NHSL1: variants seen among roughly 807,000 people sequenced by gnomAD.
NHSL1 encodes the protein NHS-like protein 1.
In NHSL1, 48 loss-of-function variants were observed where a neutral mutation model predicts 95.0. That is an observed-to-expected ratio of 0.51 (90% CI 0.40 to 0.64). The LOEUF (loss-of-function observed/expected upper bound fraction) is 0.64, where lower values mean the gene tolerates loss of function less well. Among genes scored for constraint, NHSL1 ranks in the 30% least tolerant of loss-of-function variants. The probability of loss-of-function intolerance (pLI) is 0.00; values close to 1 mark genes in which losing one functional copy is unlikely to be tolerated. For synonymous variants in NHSL1, 783 were observed against 833.9 expected, an observed-to-expected ratio of 0.94 and a Z score of 1.05; for missense variants, 1,971 against 2,077.7, an observed-to-expected ratio of 0.95 and a Z score of 1.00.
At chr6:138,623,174 C>T (rs1652875536) in intron 1 of NHSL1, among the ~76,000 whole-genome samples, 1 of 152,070 alleles carries the variant, frequency 6.6e-6, no homozygotes, top group South Asian at 2.1e-4. Context: ...GGAATGTGGG[C>T]AAAAGGCCAG....
chr6:138,592,616 C>CAAAA (rs146433971), intron 1 of NHSL1, among the ~76,000 whole-genome samples: 1 of 150,308 alleles, frequency 6.7e-6, no homozygotes, highest in Non-Finnish European at 1.5e-5. Flanking sequence ...AAACAAAAAA[C>CAAAA]AACAAAAAAC....
chr6:138,617,214 A>G (rs1784592225), intron 1 of NHSL1, among the ~76,000 whole-genome samples: 1 of 152,202 alleles, frequency 6.6e-6, no homozygotes, highest in Non-Finnish European at 1.5e-5. Flanking sequence ...CTTTTATATC[A>G]TAATGACCAA....
chr6:138,593,451 T>C (rs1784260335), intron 1 of NHSL1, among the ~76,000 whole-genome samples: 1 of 152,234 alleles, frequency 6.6e-6, no homozygotes, highest in East Asian at 1.9e-4. Flanking sequence ...AATTCACTCA[T>C]ACAGAGAGAG....
chr6:138,468,369 C>T (rs994272629), intron 3 of NHSL1, among the ~76,000 whole-genome samples: 1 of 152,188 alleles, frequency 6.6e-6, no homozygotes, highest in African/African-American at 2.4e-5. Flanking sequence ...TACCGGGGGT[C>T]CCCAGCCCCA....
At chr6:138,433,783 T>C in intron 5 of NHSL1, 103 bp from the exon 6 acceptor site, 1 of 1,397,114 alleles carries the variant, frequency 7.2e-7, no homozygotes, top group Non-Finnish European at 9.3e-7. Flanking sequence ...ATTTTTCTAT[T>C]TGATTTAATT....
intron 1 of NHSL1, among the ~76,000 whole-genome samples, chr6:138,578,503 T>C (rs7754723): frequency 0.26 from 39,741 of 151,924 alleles, 8,533 homozygotes; most frequent in African/African-American, 0.6. Flanking sequence ...TTACAAGAAA[T>C]CCTAAAACAG....
chr6:138,468,368 TC>T (rs1203258563), intron 3 of NHSL1, among the ~76,000 whole-genome samples: 1 of 152,110 alleles, frequency 6.6e-6, no homozygotes, highest in Non-Finnish European at 1.5e-5. Context: ...ATACCGGGGG[TC>T]CCCAGCCCCA....
intron 1 of NHSL1, among the ~76,000 whole-genome samples, chr6:138,609,062 T>C (rs1784473220): frequency 6.6e-6 from 1 of 152,334 alleles, no homozygotes; most frequent in East Asian, 1.9e-4. Flanking sequence ...ATAATGCCTA[T>C]GTAAAGGGTC....
intron 1 of NHSL1, among the ~76,000 whole-genome samples, chr6:138,610,056 C>A (rs1784488611): frequency 6.6e-6 from 1 of 152,094 alleles, no homozygotes; most frequent in South Asian, 2.1e-4. Context: ...CATAACACCC[C>A]CACCTGTTTC....
chr6:138,514,129 C>T (rs371149707), intron 1 of NHSL1, among the ~76,000 whole-genome samples: 4 of 151,908 alleles, frequency 2.6e-5, no homozygotes, highest in Admixed American at 2.0e-4. Context: ...CCAGCCTGAC[C>T]GACATGGTGA....
At chr6:138,641,435 C>T (rs886138881) in intron 1 of NHSL1, among the ~76,000 whole-genome samples, 1 of 151,948 alleles carries the variant, frequency 6.6e-6, no homozygotes, top group South Asian at 2.1e-4. Context: ...GCATGTGAAA[C>T]GTACAGTGTT....
At chr6:138,534,820 T>C (rs1782272258) in intron 1 of NHSL1, among the ~76,000 whole-genome samples, 1 of 152,160 alleles carries the variant, frequency 6.6e-6, no homozygotes, top group Non-Finnish European at 1.5e-5. Context: ...AGGGGTCTCA[T>C]TAAAGACCAT....
chr6:138,585,581 T>C (rs1366557977), intron 1 of NHSL1, among the ~76,000 whole-genome samples: 1 of 152,046 alleles, frequency 6.6e-6, no homozygotes, highest in African/African-American at 2.4e-5. Flanking sequence ...TTGGTCAAAC[T>C]TCTCTCTCTC....
At chr6:138,677,132 C>G (rs532282242) in intron 1 of NHSL1, among the ~76,000 whole-genome samples, 13 of 152,338 alleles carry the variant, frequency 8.5e-5, no homozygotes, top group Admixed American at 4.6e-4. Context: ...ATCAACTACT[C>G]AGTAAGTTTT....
intron 1 of NHSL1, among the ~76,000 whole-genome samples, chr6:138,685,775 C>G (rs1785577807): frequency 6.6e-6 from 1 of 151,614 alleles, no homozygotes; most frequent in Admixed American, 6.6e-5. Context: ...TTTTTAATCC[C>G]TCATCAAAAG....
At chr6:138,573,606 G>T (rs1186044718), upstream of NHSL1, among the ~76,000 whole-genome samples, 1 of 152,202 alleles carries the variant, frequency 6.6e-6, no homozygotes, top group Non-Finnish European at 1.5e-5. Context: ...GTGTTACTAA[G>T]ATAGGCAGTT....
chr6:138,619,450 T>C (rs1362907933), intron 1 of NHSL1, among the ~76,000 whole-genome samples: 9 of 152,210 alleles, frequency 5.9e-5, no homozygotes. Flanking sequence ...CTAATTAATT[T>C]AGAAGTAGAA....
At chr6:138,693,209 C>G (rs1202474960), upstream of NHSL1, among the ~76,000 whole-genome samples, 1 of 151,236 alleles carries the variant, frequency 6.6e-6, no homozygotes, top group South Asian at 2.1e-4. This position sits in a 1 kb window ranked among gnomAD's most constrained non-coding sequence, Gnocchi z 4.3. Flanking sequence ...GAAGTGCCGC[C>G]GACACCGGGC....
chr6:138,576,470 T>G (rs536606029), upstream of NHSL1, among the ~76,000 whole-genome samples: 1 of 152,376 alleles, frequency 6.6e-6, no homozygotes, highest in African/African-American at 2.4e-5. Flanking sequence ...CTTACCGTGC[T>G]GGGCTGCCCC....
Sources: allele counts gnomAD v4.1 joint callset (sites outside exome capture counted in the v4.1 genomes callset), GRCh38; gene constraint gnomAD v4.1.1; non-coding constraint Gnocchi (gnomAD v3.1); transcripts MANE v1.5; gene names NCBI Gene and HGNC (gene_info 2026-07-23, HGNC 2026-07-21).